The following GALNT10 variants were observed in gnomAD, a reference collection of about 807,000 sequenced individuals.
GALNT10 encodes the protein GalNAc transferase 10.
A neutral mutation model predicts 75.0 loss-of-function variants in GALNT10; 41 were observed. The ratio of observed to expected loss-of-function variants is 0.55; its 90% CI spans 0.43 to 0.71. The LOEUF is 0.71. Among genes scored for constraint, GALNT10 ranks in the 30% least tolerant of loss-of-function variants. The pLI, the probability that GALNT10 is intolerant of heterozygous loss-of-function variation, is 0.00. For missense variants in GALNT10, 727 were observed against 818.5 expected (o/e 0.89, Z 1.36); for synonymous variants, 302 against 313.0 (o/e 0.96, Z 0.37).
chr5:154,220,687 G>T (rs533914376), intron 1 of GALNT10, among the ~76,000 whole-genome samples: 2 of 152,340 alleles, frequency 1.3e-5, no homozygotes, highest in East Asian at 3.9e-4. Flanking sequence ...CACAGCAAGA[G>T]AAATGTTCAA....
At chr5:154,214,749 T>A (rs1752839979) in intron 1 of GALNT10, among the ~76,000 whole-genome samples, 1 of 152,174 alleles carries the variant, frequency 6.6e-6, no homozygotes, top group South Asian at 2.1e-4. Context: ...TCCTCCATTT[T>A]CTCATTATGA....
At chr5:154,364,578 C>A (rs1755447280) in intron 4 of GALNT10, among the ~76,000 whole-genome samples, 1 of 152,168 alleles carries the variant, frequency 6.6e-6, no homozygotes, top group Admixed American at 6.5e-5. Context: ...GTTCAGTTTT[C>A]TCTTCCTGTG....
At chr5:154,235,924 A>G (rs1753239274) in intron 1 of GALNT10, among the ~76,000 whole-genome samples, 2 of 152,244 alleles carry the variant, frequency 1.3e-5, no homozygotes. Flanking sequence ...CTGGAAATCC[A>G]TAATTTTAGA....
At chr5:154,313,713 A>G (rs577159671) in intron 3 of GALNT10, among the ~76,000 whole-genome samples, 1 of 152,178 alleles carries the variant, frequency 6.6e-6, no homozygotes. Flanking sequence ...GAGAAAGCTC[A>G]TGTCTGTCTC....
intron 8 of GALNT10, among the ~76,000 whole-genome samples, chr5:154,405,463 A>G (rs1343566494): frequency 1.3e-5 from 2 of 152,052 alleles, no homozygotes; most frequent in African/African-American, 2.4e-5. Flanking sequence ...GGCGGGGGGT[A>G]GGTTCTAGGT....
intron 1 of GALNT10, among the ~76,000 whole-genome samples, chr5:154,287,726 G>A (rs1191467630): frequency 6.6e-6 from 1 of 152,112 alleles, no homozygotes; most frequent in Non-Finnish European, 1.5e-5. Context: ...ATCATTGTTT[G>A]GATGAATGAA....
chr5:154,416,822 C>T lies in GALNT10; in HGVS notation c.1662C>T (p.Thr554=). The T allele has an allele frequency of 6.2e-7, 1 of 1,612,950 alleles. No individual in the cohort carries two copies. The highest frequency in any genetic ancestry group is 8.5e-7 in the Non-Finnish European group (1 of 1,178,922). ...NQLWKYRKDK[T]LYHPVSGSCM... ...ACCTCCATGTTTTGTAGGACAAGAC[C>T]CTGTACCACCCTGTCAGTGGCAGCT... is the stretch of plus-strand genomic sequence containing the variant. Residue 554 remains threonine, a synonymous_variant, in exon 12 of 12, where the codon ACC becomes ACT. Transcript: ENST00000297107. The surrounding 1 kb of genome is among the most constrained non-coding windows in gnomAD (Gnocchi z 4.5).
intron 7 of GALNT10, among the ~76,000 whole-genome samples, chr5:154,400,899 C>G (rs778577512): frequency 6.6e-6 from 1 of 152,174 alleles, no homozygotes; most frequent in South Asian, 2.1e-4. Context: ...GTGGCCTGCA[C>G]TGGGATGCTC....
rs192537285 is a variant in GALNT10 at position 154,337,825 on chromosome 5, A to G, written c.568+8087A>G. 2.1e-3 allele frequency: 2,064 copies of G among 1,002,456 alleles called. 1 individual carries two copies. The highest frequency in any genetic ancestry group is 2.8e-3 in the Non-Finnish European group (1,808 of 637,078). 62.1% of individuals were successfully genotyped at this position (1,002,456 alleles called of 1,614,324 possible). A position where few individuals can be genotyped will look rare whatever the true frequency, so the allele number is the denominator to read the frequency against. On this transcript the variant is annotated intron_variant, in intron 4 of 11. Coordinates refer to ENST00000297107, the MANE Select transcript of GALNT10 (RefSeq NM_198321.4). ...AAACCACCTCCACAACCACCACCAA[A>G]GTTTCCAGAGCCACTTCAGCCTCTT...
intron 1 of GALNT10, among the ~76,000 whole-genome samples, chr5:154,236,703 T>C (rs1753251706): frequency 6.6e-6 from 1 of 152,206 alleles, no homozygotes; most frequent in Non-Finnish European, 1.5e-5. Flanking sequence ...CACTTTTGAG[T>C]ATTTATGATC....
At chr5:154,280,003 C>G (rs1754014972) in intron 1 of GALNT10, among the ~76,000 whole-genome samples, 1 of 152,044 alleles carries the variant, frequency 6.6e-6, no homozygotes, top group Admixed American at 6.5e-5. Context: ...ATAAGGAATC[C>G]ACCTAAGTAT....
chr5:154,219,817 C>CTCTCTT (rs1752944918), intron 1 of GALNT10: 1 of 75,624 alleles, frequency 1.3e-5, no homozygotes, highest in African/African-American at 4.4e-5. Flanking sequence ...CTCGCGCTCT[C>CTCTCTT]TCTCTCTCTC....
intron 1 of GALNT10, among the ~76,000 whole-genome samples, chr5:154,272,485 G>A (rs764458959): frequency 6.6e-6 from 1 of 152,208 alleles, no homozygotes; most frequent in Non-Finnish European, 1.5e-5. Flanking sequence ...CAGTCAGCCA[G>A]GGTTACCTGT....
rs1011888043 is a variant in GALNT10, at chr5:154,244,391, A to T, written c.160-50425A>T. On this transcript the variant is annotated intron_variant, in intron 1 of 11. Transcript: ENST00000297107. ...AGACCAGCCTGGGCAACATAGTGAG[A>T]TCCTGTCTCTAAAAAATTTTTTTTT... Among the ~76,000 whole-genome samples, 6 of 151,972 alleles carry T rather than the reference A, an allele frequency of 3.9e-5. No individual in the cohort carries two copies. The South Asian group carries it at 1.0e-3, about 26-fold the overall frequency.
At chr5:154,341,499 C>T (rs1022976960) in intron 4 of GALNT10, among the ~76,000 whole-genome samples, 6 of 152,290 alleles carry the variant, frequency 3.9e-5, no homozygotes, top group African/African-American at 1.4e-4. Flanking sequence ...GTCCAGTCTT[C>T]TCAGAAATTG....
intron 1 of GALNT10, among the ~76,000 whole-genome samples, chr5:154,278,543 A>T (rs1445630834): frequency 6.6e-6 from 1 of 152,154 alleles, no homozygotes; most frequent in Non-Finnish European, 1.5e-5. Context: ...GAAGGGAGGT[A>T]TTTTTTTATT....
chr5:154,354,405 T>A (rs944305269), intron 4 of GALNT10, among the ~76,000 whole-genome samples: 28 of 152,328 alleles, frequency 1.8e-4, no homozygotes, highest in African/African-American at 6.5e-4. Context: ...CCAGCAGGTA[T>A]GCTCTTGCAG....
intron 1 of GALNT10, among the ~76,000 whole-genome samples, chr5:154,200,047 A>G (rs1775002518): frequency 6.6e-6 from 1 of 152,174 alleles, no homozygotes; most frequent in Non-Finnish European, 1.5e-5. Flanking sequence ...TCCTTCCGGT[A>G]TCTGCGCCAG....
intron 3 of GALNT10, among the ~76,000 whole-genome samples, chr5:154,322,225 T>C (rs1472665019): frequency 2.6e-5 from 4 of 152,120 alleles, no homozygotes; most frequent in African/African-American, 7.2e-5. Context: ...CTTGTCTGGG[T>C]TGAGGACTGA....
Sources: allele counts gnomAD v4.1 joint callset (sites outside exome capture counted in the v4.1 genomes callset), GRCh38; gene constraint gnomAD v4.1.1; non-coding constraint Gnocchi (gnomAD v3.1); transcripts MANE v1.5; gene names NCBI Gene and HGNC (gene_info 2026-07-23, HGNC 2026-07-21).